GABRA2: variants seen among roughly 807,000 people sequenced by gnomAD.
GABRA2 encodes gamma-aminobutyric acid receptor subunit alpha-2.
GABRA2 carries 16 observed loss-of-function variants against 48.7 expected under a neutral mutation model. The ratio of observed to expected loss-of-function variants is 0.33; its 90% CI spans 0.22 to 0.50. The LOEUF (loss-of-function observed/expected upper bound fraction) is 0.50, where lower values mean the gene tolerates loss of function less well. Ranked by LOEUF, GABRA2 falls within the 20% of genes least tolerant of loss-of-function variation. The pLI, the probability that GABRA2 is intolerant of heterozygous loss-of-function variation, is 0.98. For missense variants in GABRA2, 275 were observed against 535.6 expected, an observed-to-expected ratio of 0.51 and a Z score of 4.80; for synonymous variants, 185 against 184.5, an observed-to-expected ratio of 1.00 and a Z score of -0.02.
chr4:46,327,597 T>C (rs1205653022), intron 4 of GABRA2, among the ~76,000 whole-genome samples: 1 of 152,036 alleles, frequency 6.6e-6, no homozygotes, highest in East Asian at 1.9e-4. Context: ...TGATAAAGGA[T>C]AACAGATTAA....
intron 8 of GABRA2, among the ~76,000 whole-genome samples, chr4:46,295,297 G>A (rs770781278): frequency 6.6e-6 from 1 of 152,202 alleles, no homozygotes; most frequent in South Asian, 2.1e-4. Context: ...TGATTCATAG[G>A]CTGTAGCTAA....
At chr4:46,280,784 A>G (rs958741552) in intron 8 of GABRA2, among the ~76,000 whole-genome samples, 1 of 152,206 alleles carries the variant, frequency 6.6e-6, no homozygotes, top group African/African-American at 2.4e-5. Flanking sequence ...TCATAAATTT[A>G]TAGAAGAATC....
chr4:46,258,929 A>G (rs1036009066), intron 9 of GABRA2, among the ~76,000 whole-genome samples: 5 of 151,896 alleles, frequency 3.3e-5, no homozygotes, highest in Non-Finnish European at 5.9e-5. Context: ...TGATAAGATA[A>G]CATTGCAAGC....
chr4:46,276,599 C>CAAA (rs60891194), intron 8 of GABRA2, among the ~76,000 whole-genome samples: 5 of 85,174 alleles, frequency 5.9e-5, no homozygotes, highest in African/African-American at 1.5e-4. Flanking sequence ...ACTTCAGGCT[C>CAAA]AAAAAAAAAA....
chr4:46,274,625 G>T (rs999475733), intron 8 of GABRA2, among the ~76,000 whole-genome samples: 1 of 151,938 alleles, frequency 6.6e-6, no homozygotes, highest in East Asian at 1.9e-4. Flanking sequence ...ATGATATTTT[G>T]GGGGTTGTTG....
chr4:46,266,916 G>A, intron 8 of GABRA2, among the ~76,000 whole-genome samples: 1 of 151,730 alleles, frequency 6.6e-6, no homozygotes, highest in East Asian at 1.9e-4. Context: ...TAGAGACGGG[G>A]TTTCACCATG....
intron 3 of GABRA2, chr4:46,367,094 A>G (rs1714156630): frequency 6.6e-6 from 1 of 152,122 alleles, no homozygotes; most frequent in South Asian, 2.1e-4. Flanking sequence ...GTTCAACCCA[A>G]TGGTTCTAAT....
chr4:46,245,406 G>T lies in GABRA2; in HGVS notation c.*4902C>A, dbSNP rs1268504473. Among the ~76,000 whole-genome samples, 2 of 151,142 alleles carry T rather than the reference G, an allele frequency of 1.3e-5. No individual in the cohort carries two copies. The highest frequency in any genetic ancestry group is 4.8e-5 in the African/African-American group (2 of 41,300). ...CTATTCTATCTCATGAAGCAGAATTGCAAGATCATTTTGAATTTAATCTTT... is the reference window on the plus strand; with the variant it reads ...CTATTCTATCTCATGAAGCAGAATTTCAAGATCATTTTGAATTTAATCTTT... On this transcript the variant is annotated 3_prime_UTR_variant, in exon 10 of 10. Transcript: ENST00000381620.
intron 9 of GABRA2, chr4:46,260,851 A>T (rs2109346316): frequency 6.6e-6 from 1 of 152,120 alleles, no homozygotes; most frequent in East Asian, 1.9e-4. Flanking sequence ...CAGTCTTATT[A>T]AAATTTCTAT....
At chr4:46,389,245 T>G in intron 1 of GABRA2, 1 of 985,470 alleles carries the variant, frequency 1.0e-6, no homozygotes, top group Non-Finnish European at 1.2e-6. Context: ...TGAACTGCGG[T>G]CCTCACGTCT....
At chr4:46,339,482 C>CTAAGAG (rs1394139555) in intron 3 of GABRA2, among the ~76,000 whole-genome samples, 1 of 151,802 alleles carries the variant, frequency 6.6e-6, no homozygotes, top group Non-Finnish European at 1.5e-5. Context: ...TCCTGGTTAA[C>CTAAGAG]TAAATAAATT....
At chr4:46,325,897 T>C (rs1730283896) in intron 4 of GABRA2, among the ~76,000 whole-genome samples, 1 of 152,034 alleles carries the variant, frequency 6.6e-6, no homozygotes, top group Admixed American at 6.6e-5. Context: ...GTGCGTGGCT[T>C]TATTTCTGGG....
rs1417830909 is a variant in GABRA2, at chr4:46,247,324, C to T, written c.*2984G>A. On this transcript the variant is annotated 3_prime_UTR_variant, in exon 10 of 10. Transcript: ENST00000381620. Reference sequence around the variant, plus strand: ...TCCTAGCACACTAGTGGCATCATAGCTCATTAAAGAACTCCCAGTACTAAA... The same window carrying T: ...TCCTAGCACACTAGTGGCATCATAGTTCATTAAAGAACTCCCAGTACTAAA... Among the ~76,000 whole-genome samples the T allele has an allele frequency of 6.6e-6, 1 of 151,002 alleles. No individual in the cohort carries two copies. The highest frequency in any genetic ancestry group is 2.4e-5 in the African/African-American group (1 of 41,284).
intron 8 of GABRA2, among the ~76,000 whole-genome samples, chr4:46,283,577 T>C (rs1217760467): frequency 6.6e-6 from 1 of 152,006 alleles, no homozygotes; most frequent in Non-Finnish European, 1.5e-5. Context: ...AGGAGAAAAA[T>C]GATCAATCCA....
chr4:46,347,132 T>G lies in GABRA2; in HGVS notation c.188-14450A>C, dbSNP rs188760282. Among the ~76,000 whole-genome samples the G allele has an allele frequency of 2.6e-3, 394 of 152,050 alleles. 1 individual carries two copies. The highest frequency in any genetic ancestry group is 3.4e-3 in the Middle Eastern group (1 of 294). ...GAAAAGATACCTTATGTTCATGAGT[T>G]AGAAGATTTAATATTGTCAAAATAT... On this transcript the variant is annotated intron_variant, in intron 3 of 9. Transcript: ENST00000381620.
At chr4:46,313,703 T>C (rs935906824) in intron 4 of GABRA2, among the ~76,000 whole-genome samples, 2 of 152,032 alleles carry the variant, frequency 1.3e-5, no homozygotes, top group Admixed American at 1.3e-4. Context: ...ATATTAATTT[T>C]TTGTCAGTGT....
chr4:46,265,184 C>A (rs543957393), intron 8 of GABRA2, among the ~76,000 whole-genome samples: 1 of 149,216 alleles, frequency 6.7e-6, no homozygotes, highest in Non-Finnish European at 1.5e-5. Flanking sequence ...TACAGGAGCA[C>A]GCTACCATGC....
chr4:46,389,376 G>A (rs748063965), intron 1 of GABRA2: 2 of 985,200 alleles, frequency 2.0e-6, no homozygotes, highest in African/African-American at 3.5e-5. Flanking sequence ...GAAACGACGC[G>A]TTTGACAGCT....
rs551429506 is a variant in GABRA2 at position 46,315,297 on chromosome 4, C to G, written c.256-2581G>C. Reference sequence around the variant, plus strand: ...TTGTATGTCTTCTTTTATGCAGTGTCTGTTCATGTCTTTTGCCCACTTTTT... The same window carrying G: ...TTGTATGTCTTCTTTTATGCAGTGTGTGTTCATGTCTTTTGCCCACTTTTT... On this transcript the variant is annotated intron_variant, in intron 4 of 9. Coordinates refer to ENST00000381620, the MANE Select transcript of GABRA2 (RefSeq NM_000807.4). Among the ~76,000 whole-genome samples the G allele has an allele frequency of 4.0e-5, 6 of 151,872 alleles. No homozygotes were observed. The South Asian group carries it at 1.0e-3, about 26-fold the overall frequency.
Sources: gnomAD v4.1 joint callset for allele counts (sites outside exome capture counted in the v4.1 genomes callset) on GRCh38, gnomAD v4.1.1 for gene constraint, MANE v1.5 for transcripts, NCBI Gene and HGNC (gene_info 2026-07-23, HGNC 2026-07-21) for gene names.